The following ANO5 variants were observed in gnomAD, a reference collection of about 807,000 sequenced individuals.
The protein encoded by ANO5 is anoctamin-5.
A neutral mutation model predicts 121.0 loss-of-function variants in ANO5; 109 were observed. The ratio of observed to expected loss-of-function variants is 0.90; its 90% confidence interval spans 0.77 to 1.06. The LOEUF is 1.06. Among genes scored for constraint, ANO5 ranks in the 50% least tolerant of loss-of-function variants. The pLI is 0.00. For missense variants in ANO5, 1,064 were observed against 1,078.5 expected (o/e 0.99, Z 0.19); for synonymous variants, 406 against 359.9 (o/e 1.13, Z -1.45).
chr11:22,275,054 T>G (rs1854784524), intron 20 of ANO5, among the ~76,000 whole-genome samples: 1 of 151,972 alleles, frequency 6.6e-6, no homozygotes, highest in Non-Finnish European at 1.5e-5. Flanking sequence ...CACCAACAAG[T>G]GCCCCTTAGT....
chr11:22,204,274 A>G (rs966669149), intron 2 of ANO5, among the ~76,000 whole-genome samples: 1 of 152,146 alleles, frequency 6.6e-6, no homozygotes, highest in Non-Finnish European at 1.5e-5. Context: ...AGAATAATAA[A>G]TAAATTAAAT....
At chr11:22,262,320 G>T in intron 16 of ANO5, 22 bp downstream of exon 16, 1 of 1,611,244 alleles carries the variant, frequency 6.2e-7, no homozygotes, top group Non-Finnish European at 8.5e-7. Context: ...CTTGAGAGTT[G>T]AGGTGTGTAG....
At position 22,272,935 on chromosome 11, in the gene ANO5, A is replaced by G. The variant is rs2133788867; in HGVS notation, c.2181A>G (p.Ile727Met). The change falls in exon 19 of 22, where the codon ATA (isoleucine) becomes ATG (methionine). Residue 727 changes from isoleucine to methionine, a missense_variant. Transcript: ENST00000324559. ...RRTVASKAHS[I>M]GVWQDILYGM... ...CTGTAGCTTCTAAAGCTCATAGCAT[A>G]GGTGTTTGGCAAGACATTCTTTATG... is the stretch of plus-strand genomic sequence containing the variant. 3.1e-6 allele frequency: 5 copies of G among 1,614,106 alleles called. No individual in the cohort carries two copies. The highest frequency in any genetic ancestry group is 4.2e-6 in the Non-Finnish European group (5 of 1,180,010).
chr11:22,199,441 G>T (rs1240365341), intron 1 of ANO5, among the ~76,000 whole-genome samples: 1 of 151,996 alleles, frequency 6.6e-6, no homozygotes, highest in Non-Finnish European at 1.5e-5. Context: ...ATATAATTGA[G>T]GTTCTATTAG....
chr11:22,197,577 C>T (rs1274628136), intron 1 of ANO5, among the ~76,000 whole-genome samples: 2 of 152,144 alleles, frequency 1.3e-5, no homozygotes, highest in African/African-American at 4.8e-5. Context: ...CCAACTAAGC[C>T]ATCCGTCTTT....
At chr11:22,275,596 A>G (rs1358088633) in intron 20 of ANO5, among the ~76,000 whole-genome samples, 1 of 151,940 alleles carries the variant, frequency 6.6e-6, no homozygotes, top group Admixed American at 6.6e-5. Flanking sequence ...GTTGAACATT[A>G]AGAAAACTTC....
At chr11:22,227,646 C>CT in intron 7 of ANO5, 60 bp downstream of exon 7, 1 of 1,578,814 alleles carries the variant, frequency 6.3e-7, no homozygotes, top group Non-Finnish European at 8.7e-7. Context: ...CTTGTGTGTG[C>CT]TTTTATACAT....
intron 9 of ANO5, among the ~76,000 whole-genome samples, chr11:22,244,244 T>G (rs942761258): frequency 6.6e-6 from 1 of 152,162 alleles, no homozygotes; most frequent in Non-Finnish European, 1.5e-5. Flanking sequence ...CAATCTCTTC[T>G]GGCTTGTAAG....
intron 8 of ANO5, 134 bp downstream of exon 8, chr11:22,236,410 G>T (rs767980601): frequency 9.9e-5 from 73 of 733,950 alleles, no homozygotes; most frequent in Non-Finnish European, 1.6e-4. Context: ...AGACTTCTTG[G>T]TTCTGAGCTG....
rs1855032189 is a variant in ANO5, at chr11:22,280,228, C to T, written c.*463C>T. 1 of 159,336 alleles carries T rather than the reference C, an allele frequency of 6.3e-6. No homozygotes were observed. Among genetic ancestry groups the T allele is most frequent in the Non-Finnish European group, 1.4e-5 (1 of 72,724 alleles). The allele number at this position is 159,336 out of a possible 1,614,324, so 9.9% of individuals were successfully genotyped here. On this transcript the variant is annotated 3_prime_UTR_variant, in exon 22 of 22. Coordinates refer to ENST00000324559, the MANE Select transcript of ANO5 (RefSeq NM_213599.3). ...ACTGACTGAGCCCTATATATCCTAT[C>T]ATTTTAAAATATGCAAATGAATTGC...
intron 13 of ANO5, among the ~76,000 whole-genome samples, chr11:22,256,773 C>T (rs1217262699): frequency 1.3e-5 from 2 of 151,776 alleles, no homozygotes; most frequent in African/African-American, 4.8e-5. Context: ...TGCAGTGCTT[C>T]CTCAGTGTTT....
At chr11:22,272,583 A>G (rs1854661538) in intron 18 of ANO5, among the ~76,000 whole-genome samples, 1 of 152,294 alleles carries the variant, frequency 6.6e-6, no homozygotes, top group East Asian at 1.9e-4. Flanking sequence ...ATGCATGCCC[A>G]GTTTCTCCTT....
chr11:22,228,820 T>G (rs547896605), intron 7 of ANO5, among the ~76,000 whole-genome samples: 2 of 152,106 alleles, frequency 1.3e-5, no homozygotes, highest in East Asian at 3.9e-4. Context: ...TTTATGGCTA[T>G]ATCTAGCCAT....
intron 17 of ANO5, among the ~76,000 whole-genome samples, chr11:22,269,815 TAA>T (rs1239012064): frequency 1.3e-5 from 2 of 152,180 alleles, no homozygotes; most frequent in African/African-American, 4.8e-5. Flanking sequence ...AGCCTCTTTT[TAA>T]AAAAAGTGGT....
chr11:22,245,860 C>A (rs906711484), intron 9 of ANO5, among the ~76,000 whole-genome samples: 4 of 152,080 alleles, frequency 2.6e-5, no homozygotes, highest in Non-Finnish European at 5.9e-5. Context: ...GTAGCATTTT[C>A]TACTTGTGGC....
At chr11:22,206,295 T>G (rs1167292097) in intron 2 of ANO5, among the ~76,000 whole-genome samples, 1 of 151,110 alleles carries the variant, frequency 6.6e-6, no homozygotes, top group East Asian at 1.9e-4. Context: ...GTTTACTCTA[T>G]TGATGGAAGG....
Position 22,279,974 on chromosome 11 carries a change from C to G in ANO5, c.*209C>G, listed in dbSNP as rs1465518650. The stretch of plus-strand genomic sequence containing the variant: ...TACTTCTCTGCTTCATTGACTGGGC[C>G]CTCTCCAGATGTTGTTTTCTGAGGT... On this transcript the variant is annotated 3_prime_UTR_variant, in exon 22 of 22. Coordinates refer to ENST00000324559, the MANE Select transcript of ANO5 (RefSeq NM_213599.3). 1.4e-5 allele frequency: 8 copies of G among 558,790 alleles called. No homozygotes were observed. Among genetic ancestry groups the G allele is most frequent in the Middle Eastern group, 4.8e-4 (1 of 2,092 alleles). 34.6% of individuals were successfully genotyped at this position (558,790 alleles called of 1,614,324 possible).
intron 17 of ANO5, among the ~76,000 whole-genome samples, chr11:22,263,722 G>T (rs1038555339): frequency 6.6e-6 from 1 of 152,174 alleles, no homozygotes; most frequent in African/African-American, 2.4e-5. Flanking sequence ...ACTGTGTCAG[G>T]GTTTGGCATG....
chr11:22,227,809 G>A (rs1037073746), intron 7 of ANO5, among the ~76,000 whole-genome samples: 6 of 152,044 alleles, frequency 3.9e-5, no homozygotes, highest in African/African-American at 1.4e-4. Flanking sequence ...TTGATGGTAT[G>A]GATGTAGTAA....
Sources: allele counts gnomAD v4.1 joint callset (sites outside exome capture counted in the v4.1 genomes callset), GRCh38; gene constraint gnomAD v4.1.1; transcripts MANE v1.5; gene names NCBI Gene and HGNC (gene_info 2026-07-23, HGNC 2026-07-21).